The following LRP1B variants were observed in gnomAD, a reference collection of about 807,000 sequenced individuals.
LRP1B encodes the protein low-density lipoprotein receptor-related protein 1B.
Under a neutral mutation model 556.6 loss-of-function variants are expected in LRP1B, and 217 were observed. The ratio of observed to expected loss-of-function variants is 0.39; its 90% CI spans 0.35 to 0.44. The LOEUF (loss-of-function observed/expected upper bound fraction) is 0.44. Among genes scored for constraint, LRP1B ranks in the 20% least tolerant of loss-of-function variants. LRP1B has a pLI of 1.00. For synonymous variants in LRP1B, 2,047 were observed against 1,865.8 expected, an observed-to-expected ratio of 1.10 and a Z score of -2.50; for missense variants, 5,053 against 5,620.8, an observed-to-expected ratio of 0.90 and a Z score of 3.23.
chr2:141,921,889 T>C (rs1558963091), intron 1 of LRP1B, among the ~76,000 whole-genome samples: 1 of 152,118 alleles, frequency 6.6e-6, no homozygotes, highest in Admixed American at 6.6e-5. Context: ...GGTTTCAGAG[T>C]AGTGAAATAT....
At chr2:141,032,203 T>C (rs1012933468) in intron 11 of LRP1B, among the ~76,000 whole-genome samples, 2 of 152,124 alleles carry the variant, frequency 1.3e-5, no homozygotes, top group Admixed American at 6.6e-5. Flanking sequence ...TTGATTTAAG[T>C]ATATATAGCT....
At chr2:140,991,907 A>G (rs1001416760) in intron 16 of LRP1B, among the ~76,000 whole-genome samples, 1 of 152,156 alleles carries the variant, frequency 6.6e-6, no homozygotes, top group African/African-American at 2.4e-5. Flanking sequence ...CTAAAAATGT[A>G]AATACAAGAC....
At chr2:141,698,292 G>A (rs1691805771) in intron 2 of LRP1B, among the ~76,000 whole-genome samples, 1 of 151,660 alleles carries the variant, frequency 6.6e-6, no homozygotes, top group South Asian at 2.1e-4. Flanking sequence ...TCTTCCTACC[G>A]AGTAGAAAGT....
intron 20 of LRP1B, among the ~76,000 whole-genome samples, chr2:140,946,005 T>G (rs1199409325): frequency 4.6e-5 from 7 of 151,540 alleles, no homozygotes; most frequent in African/African-American, 1.7e-4. Context: ...CTGAAAGAAA[T>G]CAATAAGAAA....
intron 2 of LRP1B, among the ~76,000 whole-genome samples, chr2:141,651,982 A>G (rs1689809364): frequency 6.6e-6 from 1 of 152,230 alleles, no homozygotes; most frequent in African/African-American, 2.4e-5. Flanking sequence ...ATAATAGACC[A>G]GCATTAAAAT....
rs1573934078 is a variant in LRP1B, at chr2:141,427,511, A to G, written c.343+52885T>C. Among the ~76,000 whole-genome samples the G allele has an allele frequency of 2.0e-5, 3 of 152,220 alleles. No homozygotes were observed. The East Asian group carries it at 5.8e-4, about 29-fold the overall frequency. On this transcript the variant is annotated intron_variant, in intron 3 of 90. Coordinates refer to ENST00000389484, the MANE Select transcript of LRP1B (RefSeq NM_018557.3). ...GTCTTGATTTAATTATCAATATTTA[A>G]CAATCTCTTATAGTTACTGTAATAT...
intron 2 of LRP1B, among the ~76,000 whole-genome samples, chr2:141,696,315 A>G (rs754144573): frequency 7.9e-5 from 12 of 152,036 alleles, no homozygotes; most frequent in Non-Finnish European, 1.6e-4. Context: ...TAAAATACTC[A>G]TGTAACAGAA....
intron 2 of LRP1B, among the ~76,000 whole-genome samples, chr2:141,540,554 T>G (rs914770557): frequency 2.6e-5 from 4 of 151,838 alleles, no homozygotes; most frequent in African/African-American, 7.3e-5. Context: ...AGCCAGAGAC[T>G]TTCGTTTTTG....
At chr2:140,701,656 T>G in intron 40 of LRP1B, 65 bp downstream of exon 40, 1 of 1,487,598 alleles carries the variant, frequency 6.7e-7, no homozygotes, top group Non-Finnish European at 9.1e-7. Context: ...TTTGACAATG[T>G]TTTTAAAAAT....
rs188780705 is a variant in LRP1B, at chr2:140,744,775, T to A, written c.5758+24438A>T. ...ATTTTCTTCTAGGCATTTATCATTA[T>A]CTGACATCAAAGTATACTTTGGAGA... On this transcript the variant is annotated intron_variant, in intron 35 of 90. Transcript: ENST00000389484. 2.0e-5 allele frequency among the ~76,000 whole-genome samples: 3 copies of A among 152,336 alleles called. No homozygotes were observed. The East Asian group carries it at 5.8e-4, about 29-fold the overall frequency.
At chr2:142,045,566 A>G (rs976411012) in intron 1 of LRP1B, among the ~76,000 whole-genome samples, 1 of 151,870 alleles carries the variant, frequency 6.6e-6, no homozygotes, top group African/African-American at 2.4e-5. Flanking sequence ...TTGTTTGCTC[A>G]ATATTTGGTC....
At position 140,518,678 on chromosome 2, in the gene LRP1B, T is replaced by G. The variant is rs140687564; in HGVS notation, c.8027-1667A>C. On this transcript the variant is annotated intron_variant, in intron 49 of 90. Coordinates refer to ENST00000389484, the MANE Select transcript of LRP1B (RefSeq NM_018557.3). The stretch of plus-strand genomic sequence containing the variant: ...CTTGTAAGTTGGATTCCTAGGTATT[T>G]TATTCTCTTTGTAACAACTGTGAAT... 2.2e-3 allele frequency among the ~76,000 whole-genome samples: 342 copies of G among 152,284 alleles called. 19 individuals carry two copies. In the East Asian group the frequency reaches 0.061, roughly 27 times the overall value.
intron 66 of LRP1B, among the ~76,000 whole-genome samples, chr2:140,437,840 G>A (rs776656625): frequency 3.3e-5 from 5 of 152,114 alleles, no homozygotes; most frequent in Admixed American, 1.3e-4. Flanking sequence ...AGAGGTGGAC[G>A]TTAGTTGTTA....
At chr2:140,339,003 G>A (rs1284251238) in intron 77 of LRP1B, among the ~76,000 whole-genome samples, 3 of 151,856 alleles carry the variant, frequency 2.0e-5, no homozygotes, top group East Asian at 3.9e-4. Flanking sequence ...TCATCTTGTT[G>A]CACAGAGTGG....
chr2:140,885,114 G>T (rs530579913), intron 24 of LRP1B, among the ~76,000 whole-genome samples: 1 of 152,294 alleles, frequency 6.6e-6, no homozygotes, highest in South Asian at 2.1e-4. Context: ...TATTAACAAT[G>T]TGTTTTATGA....
chr2:141,034,943 A>T (rs1459362248), intron 11 of LRP1B, among the ~76,000 whole-genome samples: 178 of 152,180 alleles, frequency 1.2e-3, no homozygotes, highest in Non-Finnish European at 2.0e-3. Flanking sequence ...AATAGCAAAG[A>T]CTTGGAACCA....
intron 1 of LRP1B, among the ~76,000 whole-genome samples, chr2:141,816,791 AT>A (rs1320327998): frequency 7.3e-4 from 108 of 147,200 alleles, no homozygotes; most frequent in East Asian, 5.0e-3. Context: ...CAAAAATGAC[AT>A]TTTTTTTTTT....
intron 43 of LRP1B, among the ~76,000 whole-genome samples, chr2:140,546,496 A>C (rs1240895731): frequency 6.6e-6 from 1 of 152,130 alleles, no homozygotes. Flanking sequence ...GGTAGCAAAC[A>C]CGTTCTTCTT....
At chr2:140,385,030 G>A (rs1222287083) in intron 67 of LRP1B, among the ~76,000 whole-genome samples, 5 of 152,040 alleles carry the variant, frequency 3.3e-5, no homozygotes, top group South Asian at 2.1e-4. Context: ...GGTTTATTGC[G>A]TGGGCCCAAA....
Sources: allele counts gnomAD v4.1 joint callset (sites outside exome capture counted in the v4.1 genomes callset), GRCh38; gene constraint gnomAD v4.1.1; transcripts MANE v1.5; gene names NCBI Gene and HGNC (gene_info 2026-07-23, HGNC 2026-07-21).